Variants in CNTN1 observed in about 807,000 individuals in gnomAD.
The protein encoded by CNTN1 is contactin-1.
In CNTN1, 38 loss-of-function variants were observed where a neutral mutation model predicts 126.4. The ratio of observed to expected loss-of-function variants is 0.30; its 90% CI spans 0.23 to 0.39. The LOEUF (loss-of-function observed/expected upper bound fraction) is 0.39, where lower values mean the gene tolerates loss of function less well. Ranked by LOEUF, CNTN1 falls within the 10% of genes least tolerant of loss-of-function variation. The pLI, the probability that CNTN1 is intolerant of heterozygous loss-of-function variation, is 1.00. For synonymous variants in CNTN1, 413 were observed against 422.6 expected, an observed-to-expected ratio of 0.98 and a Z score of 0.28; for missense variants, 1,009 against 1,248.4, an observed-to-expected ratio of 0.81 and a Z score of 2.89.
At chr12:40,696,628 A>G (rs548709310) in intron 1 of CNTN1, among the ~76,000 whole-genome samples, 3 of 152,342 alleles carry the variant, frequency 2.0e-5, no homozygotes, top group South Asian at 4.1e-4. Flanking sequence ...AACTCCTGAC[A>G]ACAGGACTGA....
intron 1 of CNTN1, among the ~76,000 whole-genome samples, chr12:40,807,054 G>A (rs1172553069): frequency 1.3e-5 from 2 of 151,892 alleles, no homozygotes; most frequent in East Asian, 1.9e-4. Flanking sequence ...GCACAGGAAC[G>A]GTACAGAATA....
intron 1 of CNTN1, among the ~76,000 whole-genome samples, chr12:40,735,484 A>C (rs1293344373): frequency 1.3e-5 from 2 of 152,160 alleles, no homozygotes; most frequent in African/African-American, 4.8e-5. Flanking sequence ...GAGTCTTAAA[A>C]ATTCTGATTT....
chr12:40,693,435 G>C (rs1451796882), intron 1 of CNTN1, among the ~76,000 whole-genome samples: 1 of 152,238 alleles, frequency 6.6e-6, no homozygotes, highest in Admixed American at 6.5e-5. Context: ...TGGGTAGTAG[G>C]TGTTGGCCCA....
chr12:41,007,311 C>G (rs1219036641), intron 17 of CNTN1, among the ~76,000 whole-genome samples: 1 of 152,022 alleles, frequency 6.6e-6, no homozygotes, highest in Non-Finnish European at 1.5e-5. Context: ...CCGCCCGCCT[C>G]GGCCTCCCAA....
chr12:40,895,266 A>G (rs1944370633), intron 1 of CNTN1, among the ~76,000 whole-genome samples: 1 of 152,236 alleles, frequency 6.6e-6, no homozygotes, highest in Non-Finnish European at 1.5e-5. Flanking sequence ...AGATAACCAC[A>G]ATTTCACAAA....
At chr12:40,854,593 A>C (rs1942831328) in intron 1 of CNTN1, among the ~76,000 whole-genome samples, 1 of 152,176 alleles carries the variant, frequency 6.6e-6, no homozygotes, top group Non-Finnish European at 1.5e-5. Flanking sequence ...CTAACCATTT[A>C]AAATATGAGG....
intron 9 of CNTN1, among the ~76,000 whole-genome samples, chr12:40,934,498 C>T (rs1946013514): frequency 6.8e-6 from 1 of 147,136 alleles, no homozygotes. Flanking sequence ...AATAAACTTA[C>T]ATTTGGGAAG....
chr12:40,706,585 A>G (rs1402683293), intron 1 of CNTN1, among the ~76,000 whole-genome samples: 1 of 152,152 alleles, frequency 6.6e-6, no homozygotes, highest in East Asian at 1.9e-4. Flanking sequence ...CCTCAAACTT[A>G]TAGGACCCCT....
At chr12:40,922,550 T>C in intron 5 of CNTN1, 122 bp downstream of exon 5, 2 of 856,208 alleles carry the variant, frequency 2.3e-6, no homozygotes, top group South Asian at 2.8e-5. Context: ...ACAAGATGAG[T>C]GGACCCTAAT....
chr12:40,850,715 A>G (rs530688536), intron 1 of CNTN1, among the ~76,000 whole-genome samples: 2 of 152,268 alleles, frequency 1.3e-5, no homozygotes, highest in South Asian at 2.1e-4. Flanking sequence ...TCAGCTGTCT[A>G]TGAGATTATG....
At chr12:40,988,579 C>T (rs747017293) in intron 16 of CNTN1, among the ~76,000 whole-genome samples, 51 of 152,106 alleles carry the variant, frequency 3.4e-4, no homozygotes, top group Non-Finnish European at 5.4e-4. Flanking sequence ...TTATGATACC[C>T]ATGAGGCTTG....
chr12:40,946,171 T>C (rs1946427757), intron 14 of CNTN1, among the ~76,000 whole-genome samples: 1 of 152,148 alleles, frequency 6.6e-6, no homozygotes, highest in African/African-American at 2.4e-5. Flanking sequence ...ACCTTCCTTC[T>C]CTTTTAAGGC....
At position 40,869,354 on chromosome 12, in the gene CNTN1, C is replaced by T. The variant is rs1006634623; in HGVS notation, c.-76-39003C>T. The stretch of plus-strand genomic sequence containing the variant: ...CTATCACAGCCCACTACAGCCTTGC[C>T]CTCCCTGGGATCAAGTGATCCTCCC... On this transcript the variant is annotated intron_variant, in intron 1 of 23. Transcript: ENST00000551295. 1.7e-4 allele frequency among the ~76,000 whole-genome samples: 25 copies of T among 151,402 alleles called. 1 individual carries two copies. Among genetic ancestry groups the T allele is most frequent in the Non-Finnish European group, 2.7e-4 (18 of 67,894 alleles).
At chr12:40,806,727 C>A (rs1584096) in intron 1 of CNTN1, among the ~76,000 whole-genome samples, 92,278 of 151,488 alleles carry the variant, frequency 0.61, 28,419 homozygotes, top group East Asian at 0.77. Flanking sequence ...AATTTTAGCT[C>A]ATTAAGTCTC....
At chr12:40,856,017 C>T (rs935941608) in intron 1 of CNTN1, among the ~76,000 whole-genome samples, 5 of 152,076 alleles carry the variant, frequency 3.3e-5, no homozygotes, top group African/African-American at 1.2e-4. Flanking sequence ...AGTTTACATG[C>T]TCAATCAATG....
intron 1 of CNTN1, among the ~76,000 whole-genome samples, chr12:40,859,263 G>A (rs1254283470): frequency 2.0e-5 from 3 of 152,122 alleles, no homozygotes; most frequent in Non-Finnish European, 2.9e-5. Flanking sequence ...AATAGTTCCA[G>A]AAGGCGAGAA....
chr12:41,061,191 A>G (rs990002289), intron 23 of CNTN1, among the ~76,000 whole-genome samples: 2 of 152,200 alleles, frequency 1.3e-5, no homozygotes, highest in Non-Finnish European at 2.9e-5. Context: ...CCTTGCCCCA[A>G]AATATCAAAA....
At chr12:40,771,435 T>C (rs1425076078) in intron 1 of CNTN1, among the ~76,000 whole-genome samples, 3 of 152,118 alleles carry the variant, frequency 2.0e-5, no homozygotes, top group Non-Finnish European at 2.9e-5. Context: ...TTATTTCTTT[T>C]ATAATGTTGT....
chr12:40,877,290 A>G (rs1025941622), intron 1 of CNTN1, among the ~76,000 whole-genome samples: 4 of 152,138 alleles, frequency 2.6e-5, no homozygotes, highest in Non-Finnish European at 4.4e-5. Flanking sequence ...CTTCCAGGTT[A>G]AAACCCCAAA....
Sources: gnomAD v4.1 joint callset for allele counts (sites outside exome capture counted in the v4.1 genomes callset) on GRCh38, gnomAD v4.1.1 for gene constraint, MANE v1.5 for transcripts, NCBI Gene and HGNC (gene_info 2026-07-23, HGNC 2026-07-21) for gene names.